SEMA6D: variants seen among roughly 807,000 people sequenced by gnomAD.
SEMA6D encodes semaphorin 6D, also known as semaphorin-6D.
A neutral mutation model predicts 106.6 loss-of-function variants in SEMA6D; 35 were observed. That is an observed-to-expected ratio of 0.33 (90% confidence interval 0.25 to 0.44). SEMA6D has a LOEUF of 0.44. SEMA6D is among the 20% of genes least tolerant of loss of function. The pLI, the probability that SEMA6D is intolerant of heterozygous loss-of-function variation, is 1.00. For missense variants in SEMA6D, 1,185 were observed against 1,345.9 expected, an observed-to-expected ratio of 0.88 and a Z score of 1.87; for synonymous variants, 499 against 487.7, an observed-to-expected ratio of 1.02 and a Z score of -0.31.
intron 4 of SEMA6D, among the ~76,000 whole-genome samples, chr15:47,686,037 G>T (rs1310169458): frequency 6.6e-6 from 1 of 152,154 alleles, no homozygotes; most frequent in East Asian, 1.9e-4. Flanking sequence ...CAGACATTCA[G>T]CTACTATCAG....
At chr15:47,322,494 A>T (rs2036961831) in intron 1 of SEMA6D, among the ~76,000 whole-genome samples, 1 of 152,076 alleles carries the variant, frequency 6.6e-6, no homozygotes, top group Admixed American at 6.5e-5. Context: ...CATTAGATTG[A>T]TGTTATACAC....
intron 4 of SEMA6D, among the ~76,000 whole-genome samples, chr15:47,628,757 G>A (rs1319442607): frequency 1.3e-5 from 2 of 151,940 alleles, no homozygotes; most frequent in Non-Finnish European, 2.9e-5. Context: ...ATTTTGAAGA[G>A]GTCTTTTCTT....
chr15:47,521,728 G>GT (rs1167977536), intron 3 of SEMA6D, among the ~76,000 whole-genome samples: 1 of 152,194 alleles, frequency 6.6e-6, no homozygotes, highest in Non-Finnish European at 1.5e-5. Context: ...GCTCACGCCT[G>GT]TAATCCCAGC....
intron 1 of SEMA6D, among the ~76,000 whole-genome samples, chr15:47,723,579 T>C (rs2079550421): frequency 6.6e-6 from 1 of 152,234 alleles, no homozygotes; most frequent in African/African-American, 2.4e-5. Flanking sequence ...TTAAAGTCTC[T>C]ATTAGATTGT....
intron 4 of SEMA6D, among the ~76,000 whole-genome samples, chr15:47,676,137 T>TGCTAATCTCTA (rs1429366272): frequency 6.6e-6 from 1 of 152,204 alleles, no homozygotes; most frequent in Admixed American, 6.5e-5. Context: ...GCTAATCTCT[T>TGCTAATCTCTA]GCTAATCTCT....
chr15:47,406,183 T>C (rs2040559718), intron 1 of SEMA6D, among the ~76,000 whole-genome samples: 1 of 152,210 alleles, frequency 6.6e-6, no homozygotes, highest in Admixed American at 6.5e-5. Flanking sequence ...TGGCTAACTT[T>C]ACCATCAGCA....
intron 8 of SEMA6D, 118 bp from the exon 9 acceptor site, chr15:47,762,898 G>A: frequency 1.4e-6 from 1 of 700,372 alleles, no homozygotes; most frequent in Non-Finnish European, 2.3e-6. Flanking sequence ...TGGCAGATTG[G>A]AGTTCTTGTT....
At chr15:47,480,422 G>A (rs940717688) in intron 3 of SEMA6D, among the ~76,000 whole-genome samples, 7 of 151,920 alleles carry the variant, frequency 4.6e-5, no homozygotes, top group African/African-American at 1.7e-4. Flanking sequence ...CCACAAGCAA[G>A]GCCCAACTTG....
At chr15:47,372,631 G>A (rs2039316117) in intron 1 of SEMA6D, among the ~76,000 whole-genome samples, 1 of 152,126 alleles carries the variant, frequency 6.6e-6, no homozygotes, top group African/African-American at 2.4e-5. Flanking sequence ...CCATGATTAG[G>A]TAAATGTCAG....
intron 1 of SEMA6D, among the ~76,000 whole-genome samples, chr15:47,280,783 G>T (rs2035071113): frequency 5.1e-5 from 1 of 19,636 alleles, no homozygotes; most frequent in East Asian, 5.0e-4. Context: ...ATTTCATTAT[G>T]TACCCAGTTG....
intron 2 of SEMA6D, among the ~76,000 whole-genome samples, chr15:47,456,852 T>C (rs1245187978): frequency 2.0e-5 from 3 of 151,884 alleles, no homozygotes; most frequent in Admixed American, 2.0e-4. Flanking sequence ...CCCTAGACTT[T>C]GTAAGACAGA....
In SEMA6D at chr15:47,276,738, C is replaced by T. The variant is rs184497365; in HGVS notation, c.-239+92320C>T. On this transcript the variant is annotated intron_variant, in intron 1 of 19. Transcript: ENST00000558014. ...CATGCCTGCTAACAAAACATTCATT[C>T]TGTGGCCCATGGATCAAGGAGTAAT... 3.3e-5 allele frequency among the ~76,000 whole-genome samples: 5 copies of T among 152,284 alleles called. No homozygotes were observed. In the East Asian group the frequency reaches 9.7e-4, roughly 29 times the overall value.
chr15:47,346,377 T>C (rs1158128191), intron 1 of SEMA6D, among the ~76,000 whole-genome samples: 5 of 152,136 alleles, frequency 3.3e-5, no homozygotes, highest in Non-Finnish European at 7.4e-5. Flanking sequence ...GTTCCATGTG[T>C]CTAAGAAGGT....
intron 4 of SEMA6D, among the ~76,000 whole-genome samples, chr15:47,617,674 C>T (rs1347194244): frequency 6.6e-6 from 1 of 152,138 alleles, no homozygotes; most frequent in Non-Finnish European, 1.5e-5. Flanking sequence ...AGTTAAATTC[C>T]TGTGTTTGGT....
intron 1 of SEMA6D, among the ~76,000 whole-genome samples, chr15:47,229,601 T>G (rs772589263): frequency 2.0e-5 from 3 of 150,186 alleles, no homozygotes; most frequent in Non-Finnish European, 4.5e-5. Context: ...ATGCATACTG[T>G]TCACTTCTGC....
Position 47,770,821 on chromosome 15 carries a change from A to G in SEMA6D, c.2258A>G (p.Asp753Gly), listed in dbSNP as rs375717427. The G allele has an allele frequency of 1.2e-6, 2 of 1,613,862 alleles. No homozygotes were observed. The highest frequency in any genetic ancestry group is 1.3e-5 in the African/African-American group (1 of 74,912). ...TSRKELPPNG[D>G]TKSMVMDHRG... ...CGGAAAGAGCTACCACCCAATGGAG[A>G]TACTAAATCCATGGTAATGGACCAT... Residue 753 changes from aspartate (D) to glycine (G), a missense_variant, in exon 19 of 19, where the codon GAT (aspartate) becomes GGT (glycine). Around this residue, in one of 3 missense-constraint regions of SEMA6D, gnomAD observed 750 missense variants for 783.5 expected, o/e 0.96. Transcript: ENST00000536845.
At chr15:47,204,685 C>A (rs1894937928) in intron 1 of SEMA6D, among the ~76,000 whole-genome samples, 1 of 152,072 alleles carries the variant, frequency 6.6e-6, no homozygotes, top group Non-Finnish European at 1.5e-5. Flanking sequence ...GGTTATATAA[C>A]ATCTCTGATA....
chr15:47,451,780 T>G (rs2042200298), intron 2 of SEMA6D, among the ~76,000 whole-genome samples: 1 of 151,992 alleles, frequency 6.6e-6, no homozygotes, highest in Non-Finnish European at 1.5e-5. Context: ...AGTGGTCGTG[T>G]GAGGCCAAGA....
At chr15:47,457,862 G>A (rs1170068814) in intron 2 of SEMA6D, among the ~76,000 whole-genome samples, 11 of 151,660 alleles carry the variant, frequency 7.3e-5, no homozygotes, top group Admixed American at 7.2e-4. Flanking sequence ...TCAAATTGCT[G>A]AAAACCAGTG....
Sources: gnomAD v4.1 joint callset for allele counts (sites outside exome capture counted in the v4.1 genomes callset) on GRCh38, gnomAD v4.1.1 for gene constraint, gnomAD v4.1.1 regional missense constraint, MANE v1.5 for transcripts, NCBI Gene and HGNC (gene_info 2026-07-23, HGNC 2026-07-21) for gene names.